Variants in ID3 observed in about 807,000 individuals in gnomAD.
ID3 encodes the protein inhibitor of DNA binding 3.
Under a neutral mutation model 9.6 loss-of-function variants are expected in ID3, and 4 were observed. The observed-to-expected ratio is 0.42, with a 90% confidence interval of 0.21 to 0.96. The LOEUF (loss-of-function observed/expected upper bound fraction) is 0.96. ID3 is among the 40% of genes least tolerant of loss of function. The pLI is 0.30. For synonymous variants in ID3, 108 were observed against 75.2 expected, an observed-to-expected ratio of 1.44 and a Z score of -2.26; for missense variants, 191 against 164.5, an observed-to-expected ratio of 1.16 and a Z score of -0.88.
At chr1:23,558,797 T>G (rs986710678) in intron 2 of ID3, 138 bp downstream of exon 2, 2 of 625,090 alleles carry the variant, frequency 3.2e-6, no homozygotes, top group Non-Finnish European at 5.7e-6. Context: ...GCCATTCATT[T>G]GATGCAACCA....
Position 23,559,279 on chromosome 1 carries a change from G to A in ID3, c.148C>T (p.Arg50Cys), listed in dbSNP as rs770537277. 1 of 1,614,090 alleles carries A rather than the reference G, an allele frequency of 6.2e-7. No individual in the cohort carries two copies. The highest frequency in any genetic ancestry group is 8.5e-7 in the Non-Finnish European group (1 of 1,180,030). The change falls in exon 1 of 3, where the codon CGC becomes TGC. Residue 50 changes from arginine to cysteine, a missense_variant. Physicochemically the swap from Arg to Cys is radical, Grantham distance 180 (BLOSUM62 -3). Transcript: ENST00000374561. ...ACTCCGGGTACCAGTTCCCGCAGGCGGGAGTAGCAGTGGTTCATGTCGTCC... is the reference window on the plus strand; with the variant it reads ...ACTCCGGGTACCAGTTCCCGCAGGCAGGAGTAGCAGTGGTTCATGTCGTCC... ...LLDDMNHCYS[R>C]LRELVPGVPR... is the part of the protein sequence containing the mutation.
Position 23,559,387 on chromosome 1 carries a change from C to T in ID3, c.40G>A (p.Val14Met). The T allele has an allele frequency of 1.9e-6, 3 of 1,612,852 alleles. No homozygotes were observed. Among genetic ancestry groups the T allele is most frequent in the Non-Finnish European group, 2.5e-6 (3 of 1,179,812 alleles). Reference sequence around the variant, plus strand: ...AGACTGCGTTCCGACAGGCAGCACACCGCCTCGTAGCAGCCGCGCACCGGG... The same window carrying T: ...AGACTGCGTTCCGACAGGCAGCACATCGCCTCGTAGCAGCCGCGCACCGGG... ...LSPVRGCYEA[V>M]CCLSERSLAI... Residue 14 changes from valine (V) to methionine (M), a missense_variant, in exon 1 of 3, where the codon GTG becomes ATG. Transcript: ENST00000374561.
rs373642618 is a variant in ID3 at position 23,559,355 on chromosome 1, G to A, written c.72C>T (p.Ile24=). 1.4e-5 allele frequency: 23 copies of A among 1,613,318 alleles called. No homozygotes were observed. The highest frequency in any genetic ancestry group is 1.9e-5 in the Non-Finnish European group (22 of 1,180,024). ...VCCLSERSLA[I]ARGRGKGPAA... ...CCGGGCCCTTCCCTCGGCCCCGGGC[G>A]ATGGCCAGACTGCGTTCCGACAGGC... The change falls in exon 1 of 3, where the codon ATC becomes ATT. Residue 24 remains isoleucine, a synonymous_variant. Transcript: ENST00000374561.
rs1286097684 is a variant in ID3, at chr1:23,559,415, C to G, written c.12G>C (p.Leu4=). Residue 4 remains leucine (L), a synonymous_variant, in exon 1 of 3, where the codon CTG becomes CTC. Transcript: ENST00000374561. ...CCTCGTAGCAGCCGCGCACCGGGCT[C>G]AGCGCCTTCATGCTGGGGAGTGAGT... MKA[L]SPVRGCYEAV... is the part of the protein sequence containing the mutation. 6.2e-7 allele frequency: 1 copy of G among 1,612,010 alleles called. No homozygotes were observed. Among genetic ancestry groups the G allele is most frequent in the Non-Finnish European group, 8.5e-7 (1 of 1,179,400 alleles).
rs759280064 is a variant in ID3 at position 23,558,930 on chromosome 1, C to T, written c.*25+5G>A. 7.2e-5 allele frequency: 116 copies of T among 1,600,148 alleles called. No individual in the cohort carries two copies. Among genetic ancestry groups the T allele is most frequent in the Non-Finnish European group, 9.7e-5 (113 of 1,168,366 alleles). ...ACCTCCCTCTCCAAGAGAGGAGATA[C>T]TCACCTGGAGGTGTCAGGACACGGC... On this transcript the variant is annotated splice_donor_5th_base_variant and intron_variant, in intron 2 of 2. Coordinates refer to ENST00000374561, the MANE Select transcript of ID3 (RefSeq NM_002167.5).
rs1010571884 is a variant in ID3 at position 23,559,144 on chromosome 1, G to A, written c.283C>T (p.Pro95Ser). The A allele has an allele frequency of 4.3e-6, 7 of 1,614,032 alleles. No homozygotes were observed. The highest frequency in any genetic ancestry group is 5.9e-6 in the Non-Finnish European group (7 of 1,179,892). ...AEPAPGPPDG[P>S]HLPIQTAELT... ...AGGCTTACCTGGATGGGAAGGTGGG[G>A]GCCATCAGGGGGTCCAGGGGCTGGC... The change falls in exon 1 of 3, where the codon CCC (proline) becomes TCC (serine). Residue 95 changes from proline to serine, a missense_variant. Transcript: ENST00000374561.
rs537179325 is a variant in ID3 at position 23,558,296 on chromosome 1, C to T, written c.*145G>A. On this transcript the variant is annotated 3_prime_UTR_variant, in exon 3 of 3. Coordinates refer to ENST00000374561, the MANE Select transcript of ID3 (RefSeq NM_002167.5). ...GCTCCTGAGCACCAGGTTTAGTCTC[C>T]AGGAAGGGATTTGGTGAAGTCAAGT... is the stretch of plus-strand genomic sequence containing the variant. The T allele has an allele frequency of 6.5e-6, 1 of 152,736 alleles. No homozygotes were observed. Among genetic ancestry groups the T allele is most frequent in the African/African-American group, 2.4e-5 (1 of 41,570 alleles). The allele number at this position is 152,736 out of a possible 1,614,324, so 9.5% of individuals were successfully genotyped here. A position where few individuals can be genotyped will look rare whatever the true frequency, so the allele number is the denominator to read the frequency against.
rs1193971504 is a variant in ID3, at chr1:23,558,966, G to C, written c.354C>G (p.Cys118Trp). ...LVISNDKRSF[C>W]H The stretch of plus-strand genomic sequence containing the variant: ...GTGTCAGGACACGGCCGAGTCAGTG[G>C]CAAAAGCTCCTTTTGTCGTTGGAGA... Residue 118 changes from cysteine (C) to tryptophan (W), a missense_variant, in exon 2 of 3, where the codon TGC becomes TGG. Cys to Trp is a radical substitution (Grantham distance 215, BLOSUM62 -2). Coordinates refer to ENST00000374561, the MANE Select transcript of ID3 (RefSeq NM_002167.5). 37 of 1,613,808 alleles carry C rather than the reference G, an allele frequency of 2.3e-5. No individual in the cohort carries two copies. Among genetic ancestry groups the C allele is most frequent in the Non-Finnish European group, 3.1e-5 (36 of 1,179,842 alleles).
At position 23,559,386 on chromosome 1, in the gene ID3, A is replaced by C. The variant is rs1056080527; in HGVS notation, c.41T>G (p.Val14Gly). ...CAGACTGCGTTCCGACAGGCAGCAC[A>C]CCGCCTCGTAGCAGCCGCGCACCGG... Reference protein sequence around the residue: ...LSPVRGCYEAVCCLSERSLAI... With the variant: ...LSPVRGCYEAGCCLSERSLAI... Residue 14 changes from valine (V) to glycine (G), a missense_variant, in exon 1 of 3, where the codon GTG becomes GGG. Val to Gly is a moderately radical substitution (Grantham distance 109). Coordinates refer to ENST00000374561, the MANE Select transcript of ID3 (RefSeq NM_002167.5). The C allele has an allele frequency of 6.2e-7, 1 of 1,612,716 alleles. No homozygotes were observed. The highest frequency in any genetic ancestry group is 1.7e-5 in the Admixed American group (1 of 59,978).
chr1:23,559,474 G>T lies in ID3; in HGVS notation c.-48C>A. On this transcript the variant is annotated 5_prime_UTR_variant, in exon 1 of 3. Transcript: ENST00000374561. ...GCCCCAAAGAGAAAGAAAACCAAAA[G>T]AAGTCCCGCTACAGTGACCTGCAAC... The T allele has an allele frequency of 6.3e-7, 1 of 1,577,400 alleles. No homozygotes were observed. The highest frequency in any genetic ancestry group is 8.6e-7 in the Non-Finnish European group (1 of 1,161,116).
intron 1 of ID3, 27 bp from the exon 2 acceptor site, chr1:23,559,046 T>C: frequency 6.2e-7 from 1 of 1,613,346 alleles, no homozygotes. Flanking sequence ...AGGGAAGAGT[T>C]ACGCGAGGCA....
chr1:23,559,048 C>G (rs180772482), intron 1 of ID3, 29 bp from the exon 2 acceptor site: 1 of 1,613,198 alleles, frequency 6.2e-7, no homozygotes, highest in Non-Finnish European at 8.5e-7. Context: ...GGAAGAGTTA[C>G]GCGAGGCAAT....
At position 23,558,317 on chromosome 1, in the gene ID3, C is replaced by T. The variant is rs899141915; in HGVS notation, c.*124G>A. On this transcript the variant is annotated 3_prime_UTR_variant, in exon 3 of 3. Transcript: ENST00000374561. ...TCTCCAGGAAGGGATTTGGTGAAGT[C>T]AAGTGGGCAGGGCGAAGTTGGGGCC... 2.0e-5 allele frequency: 3 copies of T among 152,790 alleles called. No homozygotes were observed. The highest frequency in any genetic ancestry group is 7.2e-5 in the African/African-American group (3 of 41,472). 9.5% of individuals were successfully genotyped at this position (152,790 alleles called of 1,614,324 possible). A position where few individuals can be genotyped will look rare whatever the true frequency, so the allele number is the denominator to read the frequency against.
At position 23,558,413 on chromosome 1, in the gene ID3, G is replaced by C. The variant is rs970993911; in HGVS notation, c.*28C>G. ...AGGCAGAACGGGCGCCAGCACCTGC[G>C]TTCTGGGCGGGGGAGGAAAGAAGAC... On this transcript the variant is annotated splice_region_variant and 3_prime_UTR_variant, in exon 3 of 3. Coordinates refer to ENST00000374561, the MANE Select transcript of ID3 (RefSeq NM_002167.5). 1 of 153,430 alleles carries C rather than the reference G, an allele frequency of 6.5e-6. No homozygotes were observed. Among genetic ancestry groups the C allele is most frequent in the Non-Finnish European group, 1.5e-5 (1 of 68,862 alleles). The allele number at this position is 153,430 out of a possible 1,614,324, so 9.5% of individuals were successfully genotyped here. A position where few individuals can be genotyped will look rare whatever the true frequency, so the allele number is the denominator to read the frequency against.
chr1:23,558,281 A>C lies in ID3; in HGVS notation c.*160T>G, dbSNP rs1250076631. 6.6e-6 allele frequency: 1 copy of C among 152,570 alleles called. No individual in the cohort carries two copies. The highest frequency in any genetic ancestry group is 1.5e-5 in the Non-Finnish European group (1 of 68,194). The allele number at this position is 152,570 out of a possible 1,614,324, so 9.5% of individuals were successfully genotyped here. ...AGTTCACAGTCCTTCGCTCCTGAGC[A>C]CCAGGTTTAGTCTCCAGGAAGGGAT... On this transcript the variant is annotated 3_prime_UTR_variant, in exon 3 of 3. Transcript: ENST00000374561.
In ID3 at chr1:23,558,046, C is replaced by G. The variant is rs1163361787; in HGVS notation, c.*395G>C. 1 of 152,568 alleles carries G rather than the reference C, an allele frequency of 6.6e-6. No individual in the cohort carries two copies. Among genetic ancestry groups the G allele is most frequent in the Non-Finnish European group, 1.5e-5 (1 of 68,018 alleles). The allele number at this position is 152,568 out of a possible 1,614,324, so 9.5% of individuals were successfully genotyped here. On this transcript the variant is annotated 3_prime_UTR_variant, in exon 3 of 3. Coordinates refer to ENST00000374561, the MANE Select transcript of ID3 (RefSeq NM_002167.5). ...AAAAAAGGTACAAAACCTATATACT[C>G]TATTATAGAGTTCATAAATCAGGGC...
chr1:23,559,187 C>A lies in ID3; in HGVS notation c.240G>T (p.Leu80=). Residue 80 remains leucine (L), a synonymous_variant, in exon 1 of 3, where the codon CTG becomes CTT. Transcript: ENST00000374561. ...GGGCTGGCTCGGCCAGGACTACCTG[C>A]AGGTCGAGAATGTAGTCGATGACGC... is the stretch of plus-strand genomic sequence containing the variant. The part of the protein sequence containing the change: ...LQRVIDYILD[L]QVVLAEPAPG... 1.2e-6 allele frequency: 2 copies of A among 1,614,198 alleles called. No homozygotes were observed. Among genetic ancestry groups the A allele is most frequent in the Non-Finnish European group, 1.7e-6 (2 of 1,180,036 alleles).
In ID3 at chr1:23,559,136, A is replaced by G; in HGVS notation, c.291T>C (p.Leu97=). The part of the protein sequence containing the change: ...PAPGPPDGPH[L]PIQTAELTPE... ...CGACTTCGAGGCTTACCTGGATGGG[A>G]AGGTGGGGGCCATCAGGGGGTCCAG... is the stretch of plus-strand genomic sequence containing the variant. The change falls in exon 1 of 3, where the codon CTT becomes CTC. Residue 97 remains leucine, a synonymous_variant. Transcript: ENST00000374561. The G allele has an allele frequency of 6.2e-7, 1 of 1,613,752 alleles. No homozygotes were observed. The highest frequency in any genetic ancestry group is 8.5e-7 in the Non-Finnish European group (1 of 1,179,698).
chr1:23,558,988 G>C lies in ID3; in HGVS notation c.332C>G (p.Ser111Cys). Reference sequence around the variant, plus strand: ...GTGGCAAAAGCTCCTTTTGTCGTTGGAGATGACAAGTTCCGGAGTGAGCTC... The same window carrying C: ...GTGGCAAAAGCTCCTTTTGTCGTTGCAGATGACAAGTTCCGGAGTGAGCTC... ...TAELTPELVI[S>C]NDKRSFCH is the part of the protein sequence containing the mutation. The change falls in exon 2 of 3, where the codon TCC becomes TGC. Residue 111 changes from serine to cysteine, a missense_variant. By Grantham distance (112) the Ser-to-Cys change is moderately radical (BLOSUM62 -1). Coordinates refer to ENST00000374561, the MANE Select transcript of ID3 (RefSeq NM_002167.5). 1 of 1,614,220 alleles carries C rather than the reference G, an allele frequency of 6.2e-7. No homozygotes were observed. The highest frequency in any genetic ancestry group is 8.5e-7 in the Non-Finnish European group (1 of 1,180,022).
Sources: allele counts gnomAD v4.1 joint callset, GRCh38; gene constraint gnomAD v4.1.1; transcripts MANE v1.5; gene names NCBI Gene and HGNC (gene_info 2026-07-23, HGNC 2026-07-21).